The following UBE2E2 variants were observed in gnomAD, a reference collection of about 807,000 sequenced individuals.
The protein encoded by UBE2E2 is ubiquitin conjugating enzyme E2 E2, also known as ubiquitin-conjugating enzyme E2 E2.
In UBE2E2, 6 loss-of-function variants were observed where a neutral mutation model predicts 24.7. The ratio of observed to expected loss-of-function variants is 0.24; its 90% CI spans 0.13 to 0.48. The LOEUF (loss-of-function observed/expected upper bound fraction) is 0.48, where lower values mean the gene tolerates loss of function less well. Ranked by LOEUF, UBE2E2 falls within the 20% of genes least tolerant of loss-of-function variation. The probability of loss-of-function intolerance (pLI) is 0.99; values close to 1 mark genes in which losing one functional copy is unlikely to be tolerated. For missense variants in UBE2E2, 169 were observed against 245.0 expected, an observed-to-expected ratio of 0.69 and a Z score of 2.07; for synonymous variants, 104 against 83.6, an observed-to-expected ratio of 1.24 and a Z score of -1.33.
At chr3:23,313,830 C>T (rs546380028) in intron 3 of UBE2E2, among the ~76,000 whole-genome samples, 17 of 152,168 alleles carry the variant, frequency 1.1e-4, no homozygotes, top group African/African-American at 4.1e-4. Context: ...TCTTCTCTTC[C>T]TTCTTTCCTG....
chr3:23,535,885 T>G (rs180936661), intron 5 of UBE2E2, among the ~76,000 whole-genome samples: 1 of 152,194 alleles, frequency 6.6e-6, no homozygotes, highest in African/African-American at 2.4e-5. Context: ...CCTCCCAAAG[T>G]GCTGGGATGA....
At chr3:23,288,250 A>G (rs1166736067) in intron 3 of UBE2E2, among the ~76,000 whole-genome samples, 1 of 152,180 alleles carries the variant, frequency 6.6e-6, no homozygotes, top group Non-Finnish European at 1.5e-5. Context: ...ATTGAGCTCT[A>G]GTTTTATTCC....
At chr3:23,336,982 A>T (rs1264879017) in intron 3 of UBE2E2, among the ~76,000 whole-genome samples, 1 of 152,102 alleles carries the variant, frequency 6.6e-6, no homozygotes, top group Non-Finnish European at 1.5e-5. Flanking sequence ...TCTACAAAAA[A>T]TAGAAAAATT....
chr3:23,574,510 C>T (rs1329065233), intron 5 of UBE2E2, among the ~76,000 whole-genome samples: 2 of 152,048 alleles, frequency 1.3e-5, no homozygotes, highest in Non-Finnish European at 2.9e-5. Flanking sequence ...ATATATACAC[C>T]TACTATGTAC....
chr3:23,589,272 T>C lies in UBE2E2; in HGVS notation c.509-462T>C, dbSNP rs1376030350. Among the ~76,000 whole-genome samples the C allele has an allele frequency of 1.3e-5, 2 of 151,674 alleles. No individual in the cohort carries two copies. Among genetic ancestry groups the C allele is most frequent in the South Asian group, 4.2e-4 (2 of 4,790 alleles). ...AAATTACAAAAAAAAATTTGAAAAT[T>C]AGCCAGGTGTTGTTGCACACACCTG... is the stretch of plus-strand genomic sequence containing the variant. On this transcript the variant is annotated intron_variant, in intron 5 of 5. Coordinates refer to ENST00000396703, the MANE Select transcript of UBE2E2 (RefSeq NM_152653.4). The surrounding 1 kb of genome is among the most constrained non-coding windows in gnomAD (Gnocchi z 4.1).
At chr3:23,405,323 G>A (rs906239292) in intron 3 of UBE2E2, among the ~76,000 whole-genome samples, 5 of 152,154 alleles carry the variant, frequency 3.3e-5, no homozygotes, top group Non-Finnish European at 2.9e-5. Flanking sequence ...ATGAAATGAG[G>A]TTATGTAAAA....
chr3:23,390,176 C>T (rs1167871456), intron 3 of UBE2E2, among the ~76,000 whole-genome samples: 1 of 152,028 alleles, frequency 6.6e-6, no homozygotes, highest in Non-Finnish European at 1.5e-5. Flanking sequence ...CAGCAAAGGC[C>T]CCACCCCTAA....
rs1696018641 is a variant in UBE2E2 at position 23,203,399 on chromosome 3, G to T, written c.-74G>T. On this transcript the variant is annotated 5_prime_UTR_variant, in exon 1 of 6. Coordinates refer to ENST00000396703, the MANE Select transcript of UBE2E2 (RefSeq NM_152653.4). Reference sequence around the variant, plus strand: ...CCTCCCCAGTCTCCCTCCCCCTCGCGCCTGGGCAGCTCTCTCCCAGGGCTT... The same window carrying T: ...CCTCCCCAGTCTCCCTCCCCCTCGCTCCTGGGCAGCTCTCTCCCAGGGCTT... 50 of 984,318 alleles carry T rather than the reference G, an allele frequency of 5.1e-5. No homozygotes were observed. The highest frequency in any genetic ancestry group is 5.9e-5 in the Non-Finnish European group (49 of 829,902). 61.0% of individuals were successfully genotyped at this position (984,318 alleles called of 1,614,324 possible). A position where few individuals can be genotyped will look rare whatever the true frequency, so the allele number is the denominator to read the frequency against.
At chr3:23,438,216 G>A (rs1460666222) in intron 3 of UBE2E2, among the ~76,000 whole-genome samples, 2 of 152,158 alleles carry the variant, frequency 1.3e-5, no homozygotes, top group African/African-American at 4.8e-5. Context: ...AAGAGCAAAA[G>A]TAAAGGTGCA....
chr3:23,500,197 C>G (rs955189481), intron 4 of UBE2E2, among the ~76,000 whole-genome samples: 6 of 152,088 alleles, frequency 3.9e-5, no homozygotes, highest in African/African-American at 1.4e-4. Context: ...GTTTTGGTGC[C>G]TCTAGAGTTC....
intron 4 of UBE2E2, among the ~76,000 whole-genome samples, chr3:23,512,936 A>G (rs560312856): frequency 2.0e-5 from 3 of 152,104 alleles, no homozygotes; most frequent in East Asian, 3.9e-4. Flanking sequence ...ATACATACAT[A>G]CATGCATACA....
chr3:23,532,101 T>A (rs1307819249), intron 4 of UBE2E2, among the ~76,000 whole-genome samples: 1 of 151,450 alleles, frequency 6.6e-6, no homozygotes, highest in African/African-American at 2.4e-5. Flanking sequence ...TATAGAATAA[T>A]ATTTATTTTC....
chr3:23,507,098 A>G (rs931222514), intron 4 of UBE2E2, among the ~76,000 whole-genome samples: 1 of 152,194 alleles, frequency 6.6e-6, no homozygotes, highest in South Asian at 2.1e-4. Flanking sequence ...TACTCAAAGC[A>G]TGCTTCTTCA....
chr3:23,403,716 C>T (rs796614327), intron 3 of UBE2E2, among the ~76,000 whole-genome samples: 8 of 149,872 alleles, frequency 5.3e-5, no homozygotes, highest in African/African-American at 2.0e-4. Flanking sequence ...TCCAGCTACT[C>T]AGGAGGCTGA....
In UBE2E2 at chr3:23,335,922, A is replaced by G. The variant is rs116675617; in HGVS notation, c.227+118610A>G. ...ACAGTTTGACTTAGCTCTTTGCTCA[A>G]AAATACTGATAACATAATAAGTAGG... On this transcript the variant is annotated intron_variant, in intron 3 of 5. Coordinates refer to ENST00000396703, the MANE Select transcript of UBE2E2 (RefSeq NM_152653.4). 5.3e-5 allele frequency among the ~76,000 whole-genome samples: 8 copies of G among 152,312 alleles called. No individual in the cohort carries two copies. In the East Asian group the frequency reaches 7.7e-4, roughly 15 times the overall value.
chr3:23,265,362 G>C (rs184608721), intron 3 of UBE2E2, among the ~76,000 whole-genome samples: 1 of 152,092 alleles, frequency 6.6e-6, no homozygotes, highest in Non-Finnish European at 1.5e-5. Flanking sequence ...TGGTAGTGTG[G>C]TTTAGCTTAG....
intron 4 of UBE2E2, among the ~76,000 whole-genome samples, chr3:23,523,143 C>T (rs1297950925): frequency 2.6e-5 from 4 of 152,054 alleles, no homozygotes; most frequent in Admixed American, 6.6e-5. Context: ...TAGGTATGTT[C>T]CAGAAACATT....
At chr3:23,473,129 G>T (rs1023380887) in intron 3 of UBE2E2, among the ~76,000 whole-genome samples, 2 of 151,946 alleles carry the variant, frequency 1.3e-5, no homozygotes, top group African/African-American at 4.8e-5. Flanking sequence ...AGAAGACAGG[G>T]TCTTTAAATT....
At position 23,589,715 on chromosome 3, in the gene UBE2E2, A is replaced by G. The variant is rs1559432056; in HGVS notation, c.509-19A>G. The stretch of plus-strand genomic sequence containing the variant: ...ACAGTGCTGGTATTTACTGACTCCC[A>G]ACTCTGCTTTCCTTGCAGCTGACCC... On this transcript the variant is annotated intron_variant, in intron 5 of 5. Transcript: ENST00000396703. The surrounding 1 kb of genome is among the most constrained non-coding windows in gnomAD (Gnocchi z 4.1). 2.5e-6 allele frequency: 4 copies of G among 1,613,340 alleles called. No homozygotes were observed. Among genetic ancestry groups the G allele is most frequent in the Non-Finnish European group, 2.5e-6 (3 of 1,179,512 alleles).
Sources: allele counts gnomAD v4.1 joint callset (sites outside exome capture counted in the v4.1 genomes callset), GRCh38; gene constraint gnomAD v4.1.1; non-coding constraint Gnocchi (gnomAD v3.1); transcripts MANE v1.5; gene names NCBI Gene and HGNC (gene_info 2026-07-23, HGNC 2026-07-21).